AGBL4: variants seen among roughly 807,000 people sequenced by gnomAD.
AGBL4 encodes cytosolic carboxypeptidase 6.
In AGBL4, 58 loss-of-function variants were observed where a neutral mutation model predicts 66.4. That is an observed-to-expected ratio of 0.87 (90% confidence interval 0.71 to 1.09). AGBL4 has a LOEUF of 1.09. Ranked by LOEUF, AGBL4 falls within the 50% of genes least tolerant of loss-of-function variation. The pLI, the probability that AGBL4 is intolerant of heterozygous loss-of-function variation, is 0.00. For synonymous variants in AGBL4, 234 were observed against 222.9 expected, an observed-to-expected ratio of 1.05 and a Z score of -0.44; for missense variants, 579 against 631.0, an observed-to-expected ratio of 0.92 and a Z score of 0.88.
intron 3 of AGBL4, among the ~76,000 whole-genome samples, chr1:49,647,854 C>T (rs1017143792): frequency 1.0e-5 from 1 of 98,956 alleles, no homozygotes; most frequent in Non-Finnish European, 2.1e-5. Context: ...TGGACTGACC[C>T]AAAAAAAAAA....
intron 1 of AGBL4, among the ~76,000 whole-genome samples, chr1:49,892,718 A>T (rs991023692): frequency 6.6e-6 from 1 of 152,186 alleles, no homozygotes; most frequent in Non-Finnish European, 1.5e-5. Flanking sequence ...TTACAAAAAT[A>T]CTATGAGATA....
At chr1:48,997,416 C>CT in intron 5 of AGBL4, among the ~76,000 whole-genome samples, 1 of 152,154 alleles carries the variant, frequency 6.6e-6, no homozygotes, top group Non-Finnish European at 1.5e-5. Context: ...CATATGGCTT[C>CT]TTTTTTCTCT....
At chr1:49,247,859 C>T (rs1245068954) in intron 3 of AGBL4, among the ~76,000 whole-genome samples, 7 of 151,974 alleles carry the variant, frequency 4.6e-5, no homozygotes, top group Non-Finnish European at 8.8e-5. Context: ...TATTTTAGCC[C>T]GATTTTAGAT....
intron 6 of AGBL4, chr1:48,818,012 C>T (rs773313537): frequency 1.5e-5 from 11 of 711,466 alleles, no homozygotes; most frequent in Middle Eastern, 3.6e-4. Context: ...GCAGTCTTAC[C>T]GGAAACATTC....
chr1:49,519,732 C>T (rs1306027440), intron 3 of AGBL4, among the ~76,000 whole-genome samples: 2 of 151,932 alleles, frequency 1.3e-5, no homozygotes, highest in African/African-American at 2.4e-5. Flanking sequence ...AAATATTTTG[C>T]CATGGCCAAG....
At chr1:49,103,715 A>G (rs1186419890) in intron 4 of AGBL4, among the ~76,000 whole-genome samples, 1 of 152,174 alleles carries the variant, frequency 6.6e-6, no homozygotes, top group African/African-American at 2.4e-5. Flanking sequence ...AGAAGATTCT[A>G]CACAATCCAC....
chr1:49,089,649 C>G (rs1644968443), intron 4 of AGBL4, among the ~76,000 whole-genome samples: 1 of 152,090 alleles, frequency 6.6e-6, no homozygotes, highest in Admixed American at 6.5e-5. Context: ...GAAGCACAGC[C>G]AAATTCTACC....
At chr1:48,529,255 C>G (rs549930993), downstream of AGBL4, among the ~76,000 whole-genome samples, 1 of 151,900 alleles carries the variant, frequency 6.6e-6, no homozygotes, top group Non-Finnish European at 1.5e-5. Context: ...TCTGTCTGTA[C>G]GTCATCTGGG....
chr1:48,678,815 G>C (rs1646409648), intron 6 of AGBL4, among the ~76,000 whole-genome samples: 1 of 152,198 alleles, frequency 6.6e-6, no homozygotes, highest in Non-Finnish European at 1.5e-5. Context: ...CCAAGTGGAG[G>C]AGTTCCAGAC....
intron 1 of AGBL4, among the ~76,000 whole-genome samples, chr1:50,023,278 C>A (rs983649709): frequency 2.0e-5 from 3 of 152,226 alleles, no homozygotes; most frequent in African/African-American, 7.2e-5. Context: ...ACTCCCCCTT[C>A]CATGGCACTG....
intron 2 of AGBL4, among the ~76,000 whole-genome samples, chr1:49,849,924 C>G (rs1008141942): frequency 6.6e-6 from 1 of 152,046 alleles, no homozygotes; most frequent in Admixed American, 6.6e-5. Flanking sequence ...GTCCTTATGT[C>G]TTTAACATAA....
intron 2 of AGBL4, among the ~76,000 whole-genome samples, chr1:49,824,428 A>G (rs1421152388): frequency 6.6e-6 from 1 of 152,240 alleles, no homozygotes; most frequent in Non-Finnish European, 1.5e-5. Flanking sequence ...TTTGAGCCTC[A>G]CGATTTGTCA....
At chr1:49,226,488 CTA>C (rs983337740) in intron 4 of AGBL4, among the ~76,000 whole-genome samples, 1 of 152,172 alleles carries the variant, frequency 6.6e-6, no homozygotes, top group African/African-American at 2.4e-5. Context: ...CAACAAATCT[CTA>C]TACCCTTCCT....
chr1:49,440,071 T>TC (rs1183521133), intron 3 of AGBL4, among the ~76,000 whole-genome samples: 1 of 146,422 alleles, frequency 6.8e-6, no homozygotes, highest in Middle Eastern at 3.5e-3. Context: ...GGACTCTACT[T>TC]TTTTTTTTTT....
chr1:49,989,643 T>C (rs1659776883), intron 1 of AGBL4, among the ~76,000 whole-genome samples: 1 of 152,206 alleles, frequency 6.6e-6, no homozygotes, highest in Non-Finnish European at 1.5e-5. Flanking sequence ...TAAAGGACTA[T>C]CAGAAATTCT....
At chr1:49,923,099 T>C (rs1026311490) in intron 1 of AGBL4, among the ~76,000 whole-genome samples, 7 of 152,134 alleles carry the variant, frequency 4.6e-5, no homozygotes, top group African/African-American at 1.2e-4. Flanking sequence ...CAAAACAGCA[T>C]GTATTGGTAC....
At chr1:48,541,741 C>G (rs1644074439) in intron 11 of AGBL4, among the ~76,000 whole-genome samples, 1 of 151,880 alleles carries the variant, frequency 6.6e-6, no homozygotes, top group Non-Finnish European at 1.5e-5. Context: ...TGCATTCCAG[C>G]CTGGGCAACA....
chr1:49,037,920 T>G (rs949454445), intron 5 of AGBL4, among the ~76,000 whole-genome samples: 8 of 152,084 alleles, frequency 5.3e-5, no homozygotes, highest in Non-Finnish European at 1.0e-4. Flanking sequence ...CACATAGACT[T>G]GGCTTCAAAC....
chr1:48,928,404 A>G (rs1654767792), intron 5 of AGBL4, among the ~76,000 whole-genome samples: 1 of 152,200 alleles, frequency 6.6e-6, no homozygotes, highest in African/African-American at 2.4e-5. Context: ...GGAAGAAAAT[A>G]GTTGGGTCAG....
Sources: gnomAD v4.1 joint callset for allele counts (sites outside exome capture counted in the v4.1 genomes callset) on GRCh38, gnomAD v4.1.1 for gene constraint, MANE v1.5 for transcripts, NCBI Gene and HGNC (gene_info 2026-07-23, HGNC 2026-07-21) for gene names.